FRMD4A: variants seen among roughly 807,000 people sequenced by gnomAD.
FRMD4A encodes FERM domain-containing protein 4A.
A neutral mutation model predicts 129.1 loss-of-function variants in FRMD4A; 29 were observed. The observed-to-expected ratio is 0.22, with a 90% CI of 0.17 to 0.31. The LOEUF is 0.31. FRMD4A is among the 10% of genes least tolerant of loss of function. The pLI is 1.00. For missense variants in FRMD4A, 1,272 were observed against 1,375.8 expected (o/e 0.92, Z 1.19); for synonymous variants, 634 against 571.6 (o/e 1.11, Z -1.56).
intron 2 of FRMD4A, among the ~76,000 whole-genome samples, chr10:14,046,194 A>AAAT (rs1833985879): frequency 6.6e-6 from 1 of 152,148 alleles, no homozygotes; most frequent in Admixed American, 6.6e-5. Flanking sequence ...TCATGCTCAC[A>AAAT]AATTCTGACT....
chr10:13,776,774 C>T (rs747958131), intron 6 of FRMD4A, among the ~76,000 whole-genome samples: 3 of 152,162 alleles, frequency 2.0e-5, no homozygotes, highest in South Asian at 2.1e-4. Context: ...ACTAAACCTA[C>T]GCTGGGTAAA....
intron 2 of FRMD4A, among the ~76,000 whole-genome samples, chr10:13,985,036 T>C (rs1374748322): frequency 6.6e-6 from 1 of 152,270 alleles, no homozygotes; most frequent in African/African-American, 2.4e-5. Context: ...CAGACATGCC[T>C]GCTGACATCT....
At chr10:14,048,885 TAGA>T (rs1565211122) in intron 2 of FRMD4A, among the ~76,000 whole-genome samples, 77 of 92,902 alleles carry the variant, frequency 8.3e-4, no homozygotes, top group Middle Eastern at 5.7e-3. Context: ...TAGAATAGAA[TAGA>T]ATAGAATAGA....
At chr10:13,794,833 C>T (rs2093079502) in intron 5 of FRMD4A, among the ~76,000 whole-genome samples, 1 of 152,302 alleles carries the variant, frequency 6.6e-6, no homozygotes, top group Admixed American at 6.5e-5. Context: ...GGTCTTCAGT[C>T]ATCCCATTCC....
In FRMD4A at chr10:14,198,297, C is replaced by A. The variant is rs184443414; in HGVS notation, c.45+131761G>T. Among the ~76,000 whole-genome samples the A allele has an allele frequency of 2.2e-4, 33 of 152,322 alleles. No individual in the cohort carries two copies. The East Asian group carries it at 5.2e-3, about 24-fold the overall frequency. Reference sequence around the variant, plus strand: ...AGAGTGATGGGGATGTTCCCGCCCACATGACCTCATTGGGACATCGGGCTG... The same window carrying A: ...AGAGTGATGGGGATGTTCCCGCCCAAATGACCTCATTGGGACATCGGGCTG... On this transcript the variant is annotated intron_variant, in intron 2 of 24. Transcript: ENST00000357447.
At chr10:13,714,051 T>A (rs372129775) in intron 12 of FRMD4A, among the ~76,000 whole-genome samples, 2 of 15,042 alleles carry the variant, frequency 1.3e-4, no homozygotes, top group African/African-American at 4.7e-4. Context: ...TATATATATA[T>A]ATATATATAA....
chr10:14,013,241 T>C (rs912613090), intron 2 of FRMD4A, among the ~76,000 whole-genome samples: 3 of 152,210 alleles, frequency 2.0e-5, no homozygotes, highest in Non-Finnish European at 4.4e-5. Flanking sequence ...TCTTGAGCCA[T>C]ACTTCCTTGT....
intron 2 of FRMD4A, among the ~76,000 whole-genome samples, chr10:14,234,178 T>A (rs1274809149): frequency 6.6e-6 from 1 of 151,832 alleles, no homozygotes; most frequent in Non-Finnish European, 1.5e-5. Flanking sequence ...AAGATAAGCA[T>A]CTCTAATATT....
chr10:14,242,802 C>A (rs758419096), intron 2 of FRMD4A, among the ~76,000 whole-genome samples: 4 of 152,078 alleles, frequency 2.6e-5, no homozygotes, highest in Non-Finnish European at 5.9e-5. Flanking sequence ...GAAAATGGTG[C>A]ATTCACTGTG....
At chr10:13,647,712 C>T (rs1589170967) in intron 24 of FRMD4A, 1 of 141,076 alleles carries the variant, frequency 7.1e-6, no homozygotes. Context: ...ATAGGAAAGT[C>T]TATAGAAGAA....
intron 2 of FRMD4A, among the ~76,000 whole-genome samples, chr10:14,145,230 T>G (rs1337246189): frequency 2.6e-5 from 4 of 152,252 alleles, no homozygotes; most frequent in African/African-American, 4.8e-5. Context: ...CCTCGAATTC[T>G]ATTCCTAACT....
At chr10:14,079,316 T>G (rs1440605494) in intron 2 of FRMD4A, among the ~76,000 whole-genome samples, 3 of 152,122 alleles carry the variant, frequency 2.0e-5, no homozygotes, top group African/African-American at 7.2e-5. Flanking sequence ...CACCCTCTCC[T>G]CCTGTCTGCT....
chr10:13,869,949 C>T (rs1032777541), intron 2 of FRMD4A, among the ~76,000 whole-genome samples: 35 of 152,316 alleles, frequency 2.3e-4, no homozygotes, highest in Admixed American at 2.1e-3. Context: ...CTGGAGCAAC[C>T]GGAGTCTCTG....
At chr10:14,225,492 T>C (rs1260283773) in intron 2 of FRMD4A, among the ~76,000 whole-genome samples, 2 of 152,134 alleles carry the variant, frequency 1.3e-5, no homozygotes, top group South Asian at 2.1e-4. Flanking sequence ...GGAAACACAG[T>C]GAAAATAACA....
chr10:13,761,662 T>A lies in FRMD4A; in HGVS notation c.449A>T (p.Lys150Met). 6.2e-7 allele frequency: 1 copy of A among 1,604,992 alleles called. No homozygotes were observed. The highest frequency in any genetic ancestry group is 8.5e-7 in the Non-Finnish European group (1 of 1,173,564). The stretch of plus-strand genomic sequence containing the variant: ...GTAAACTTACCTAGAAAAATCTCCC[T>A]TTGCCTCCTGTAGAAGAAAAAATTC... ...ELASYILQEA[K>M]GDFSSNEVVR... The change falls in exon 8 of 25, where the codon AAG becomes ATG. Residue 150 changes from lysine (K) to methionine (M), a missense_variant. Transcript: ENST00000357447.
rs1030154485 is a variant in FRMD4A at position 14,104,293 on chromosome 10, C to T, written c.45+225765G>A. Among the ~76,000 whole-genome samples, 16 of 151,736 alleles carry T rather than the reference C, an allele frequency of 1.1e-4. 1 individual carries two copies. The highest frequency in any genetic ancestry group is 5.3e-4 in the Admixed American group (8 of 15,222). ...CCGCCATTGAGGTCTACACTGCCATCGACGTTACACCGCCATCAAGGTCTA... is the reference window on the plus strand; with the variant it reads ...CCGCCATTGAGGTCTACACTGCCATTGACGTTACACCGCCATCAAGGTCTA... On this transcript the variant is annotated intron_variant, in intron 2 of 24. Transcript: ENST00000357447.
chr10:13,695,384 G>A (rs921831717), intron 14 of FRMD4A, among the ~76,000 whole-genome samples: 7 of 152,240 alleles, frequency 4.6e-5, no homozygotes, highest in Admixed American at 2.0e-4. Context: ...CAGGTGATCC[G>A]CCCGCTGCAG....
At chr10:13,779,315 C>G (rs1294357892) in intron 6 of FRMD4A, among the ~76,000 whole-genome samples, 1 of 77,864 alleles carries the variant, frequency 1.3e-5, no homozygotes, top group African/African-American at 4.5e-5. Flanking sequence ...GACTCCATCT[C>G]CAAGAAAAAA....
chr10:13,761,788 G>A (rs2092084294), intron 7 of FRMD4A, 119 bp from the exon 8 acceptor site: 2 of 664,414 alleles, frequency 3.0e-6, no homozygotes, highest in Non-Finnish European at 5.3e-6. Context: ...GCTTCCTGCA[G>A]TTATCATCCT....
Sources: gnomAD v4.1 joint callset for allele counts (sites outside exome capture counted in the v4.1 genomes callset) on GRCh38, gnomAD v4.1.1 for gene constraint, MANE v1.5 for transcripts, NCBI Gene and HGNC (gene_info 2026-07-23, HGNC 2026-07-21) for gene names.